CPNE8: variants seen among roughly 807,000 people sequenced by gnomAD.
CPNE8 encodes the protein copine 8.
Under a neutral mutation model 81.5 loss-of-function variants are expected in CPNE8, and 45 were observed. That is an observed-to-expected ratio of 0.55 (90% CI 0.44 to 0.71). CPNE8 has a LOEUF of 0.71. CPNE8 is among the 30% of genes least tolerant of loss of function. The pLI, the probability that CPNE8 is intolerant of heterozygous loss-of-function variation, is 0.00. For synonymous variants in CPNE8, 252 were observed against 226.3 expected, an observed-to-expected ratio of 1.11 and a Z score of -1.02; for missense variants, 594 against 672.1, an observed-to-expected ratio of 0.88 and a Z score of 1.28.
chr12:38,867,949 T>G (rs2137095329), intron 3 of CPNE8, among the ~76,000 whole-genome samples: 1 of 152,310 alleles, frequency 6.6e-6, no homozygotes, highest in Non-Finnish European at 1.5e-5. Context: ...AACCACAAAT[T>G]TTGACTACAG....
chr12:38,777,389 A>T (rs898650068), intron 6 of CPNE8, among the ~76,000 whole-genome samples: 3 of 152,244 alleles, frequency 2.0e-5, no homozygotes, highest in African/African-American at 7.2e-5. Flanking sequence ...TATTATTAAA[A>T]CATTTTAAAA....
In CPNE8 at chr12:38,905,501, C is replaced by G. The variant is rs1944556707; in HGVS notation, c.34G>C (p.Gly12Arg). The G allele has an allele frequency of 1.9e-6, 3 of 1,573,542 alleles. No homozygotes were observed. The highest frequency in any genetic ancestry group is 2.6e-6 in the Non-Finnish European group (3 of 1,159,404). The change falls in exon 1 of 20, where the codon GGG becomes CGG. Residue 12 changes from glycine (G) to arginine (R), a missense_variant. Coordinates refer to ENST00000331366, the MANE Select transcript of CPNE8 (RefSeq NM_153634.3). ...GCAGCGCTCAGCTGGTTCAAGTCCCCGATGCCCGCAGTGCTGTTGTAGCGG... is the reference window on the plus strand; with the variant it reads ...GCAGCGCTCAGCTGGTTCAAGTCCCGGATGCCCGCAGTGCTGTTGTAGCGG... ...DSRYNSTAGI[G>R]DLNQLSAAIP... is the part of the protein sequence containing the mutation.
At chr12:38,896,115 T>C (rs1944384776) in intron 1 of CPNE8, among the ~76,000 whole-genome samples, 1 of 152,132 alleles carries the variant, frequency 6.6e-6, no homozygotes, top group Non-Finnish European at 1.5e-5. Context: ...ATCCAAAAGT[T>C]GCATGTTTCT....
At chr12:38,824,371 C>T (rs946147028) in intron 6 of CPNE8, among the ~76,000 whole-genome samples, 3 of 151,996 alleles carry the variant, frequency 2.0e-5, no homozygotes, top group African/African-American at 7.2e-5. Flanking sequence ...ATCCTAACTT[C>T]GTTGTCAAAA....
intron 1 of CPNE8, among the ~76,000 whole-genome samples, chr12:38,898,807 A>G (rs1178656846): frequency 6.6e-6 from 1 of 152,214 alleles, no homozygotes; most frequent in Non-Finnish European, 1.5e-5. Flanking sequence ...AAAGGGTCAG[A>G]CACTCTCTCT....
intron 10 of CPNE8, among the ~76,000 whole-genome samples, chr12:38,748,807 A>T (rs1455870656): frequency 6.6e-6 from 1 of 152,152 alleles, no homozygotes; most frequent in Non-Finnish European, 1.5e-5. Flanking sequence ...AAAAATTTGT[A>T]CCCATTTATA....
chr12:38,849,046 A>G (rs1943600052), intron 3 of CPNE8, among the ~76,000 whole-genome samples: 1 of 152,210 alleles, frequency 6.6e-6, no homozygotes, highest in Non-Finnish European at 1.5e-5. Context: ...AAGAGATCAT[A>G]GTATTCATAA....
intron 1 of CPNE8, among the ~76,000 whole-genome samples, chr12:38,904,463 T>G (rs1344897693): frequency 7.6e-6 from 1 of 131,356 alleles, no homozygotes; most frequent in African/African-American, 3.0e-5. Context: ...AAAGTCAGTT[T>G]TTTTTTGTTT....
At chr12:38,681,685 G>A (rs1335774732) in intron 16 of CPNE8, among the ~76,000 whole-genome samples, 1 of 152,148 alleles carries the variant, frequency 6.6e-6, no homozygotes, top group Non-Finnish European at 1.5e-5. Context: ...ACTCACGTAA[G>A]GCTGCAGTAT....
At chr12:38,737,971 C>T (rs1940993342) in intron 10 of CPNE8, among the ~76,000 whole-genome samples, 1 of 152,110 alleles carries the variant, frequency 6.6e-6, no homozygotes, top group African/African-American at 2.4e-5. Context: ...TTGCCTCTGG[C>T]ATATCCTCTC....
At chr12:38,764,616 C>CA (rs1247038606) in intron 8 of CPNE8, among the ~76,000 whole-genome samples, 2,008 of 44,024 alleles carry the variant, frequency 0.046, 55 homozygotes, top group African/African-American at 0.074. Flanking sequence ...GACTCCGTCT[C>CA]AAAAAAAAAA....
intron 12 of CPNE8, 30 bp downstream of exon 12, chr12:38,724,816 C>T: frequency 7.5e-7 from 1 of 1,335,232 alleles, no homozygotes; most frequent in African/African-American, 1.5e-5. Flanking sequence ...TTATTTTAAT[C>T]TTTAATAAAT....
intron 18 of CPNE8, among the ~76,000 whole-genome samples, chr12:38,674,549 G>A (rs1389482034): frequency 1.3e-5 from 2 of 152,124 alleles, no homozygotes; most frequent in African/African-American, 4.8e-5. Context: ...TGTCTCCAGA[G>A]AGGTATCTGA....
intron 15 of CPNE8, among the ~76,000 whole-genome samples, chr12:38,686,608 A>G (rs1166380546): frequency 1.3e-5 from 2 of 152,240 alleles, no homozygotes; most frequent in Non-Finnish European, 2.9e-5. Context: ...TTGAAGTCTC[A>G]GGAATCCAGA....
chr12:38,719,639 C>T lies in CPNE8; in HGVS notation c.914+4133G>A, dbSNP rs138773277. ...TTGTGCCAATTGCTCTTAAGAAGTC[C>T]TTCAGGGCAAAGATATATAAATACA... On this transcript the variant is annotated intron_variant, in intron 13 of 19. Transcript: ENST00000331366. Among the ~76,000 whole-genome samples the T allele has an allele frequency of 7.0e-3, 1,055 of 150,134 alleles. 8 individuals are homozygous for T. Among genetic ancestry groups the T allele is most frequent in the Middle Eastern group, 0.045 (13 of 286 alleles).
In CPNE8 at chr12:38,816,835, C is replaced by T. The variant is rs138696256; in HGVS notation, c.407+12544G>A. Reference sequence around the variant, plus strand: ...GAATTGAGAGCCAGTTGATCTATCTCCACAATTACTGGGAGGGTCCAATCA... The same window carrying T: ...GAATTGAGAGCCAGTTGATCTATCTTCACAATTACTGGGAGGGTCCAATCA... On this transcript the variant is annotated intron_variant, in intron 6 of 19. Transcript: ENST00000331366. 4.1e-3 allele frequency among the ~76,000 whole-genome samples: 617 copies of T among 152,256 alleles called. 2 individuals carry two copies. The highest frequency in any genetic ancestry group is 0.014 in the African/African-American group (592 of 41,552).
At chr12:38,809,725 T>C (rs2136983817) in intron 6 of CPNE8, among the ~76,000 whole-genome samples, 1 of 152,258 alleles carries the variant, frequency 6.6e-6, no homozygotes, top group South Asian at 2.1e-4. Context: ...TCCCTAAATC[T>C]AACCAGCTTT....
chr12:38,741,153 A>G (rs1941091526), intron 10 of CPNE8, among the ~76,000 whole-genome samples: 1 of 152,128 alleles, frequency 6.6e-6, no homozygotes, highest in Non-Finnish European at 1.5e-5. Flanking sequence ...GCTACCAATG[A>G]CTTTCTTCAC....
Position 38,762,074 on chromosome 12 carries a change from A to T in CPNE8, c.680+38T>A, listed in dbSNP as rs773451413. On this transcript the variant is annotated intron_variant, in intron 9 of 19. Transcript: ENST00000331366. ...TCAAATCACTGTAGATTTTTTTAAA[A>T]GTTATTTGAAGATTTTTGAATAAAC... 10 of 1,077,788 alleles carry T rather than the reference A, an allele frequency of 9.3e-6. No homozygotes were observed. The Admixed American group carries it at 2.6e-4, about 28-fold the overall frequency. The allele number at this position is 1,077,788 out of a possible 1,614,324, so 66.8% of individuals were successfully genotyped here. A position where few individuals can be genotyped will look rare whatever the true frequency, so the allele number is the denominator to read the frequency against.
Sources: allele counts gnomAD v4.1 joint callset (sites outside exome capture counted in the v4.1 genomes callset), GRCh38; gene constraint gnomAD v4.1.1; transcripts MANE v1.5; gene names NCBI Gene and HGNC (gene_info 2026-07-23, HGNC 2026-07-21).